Variants in MAP3K3 observed in about 807,000 individuals in gnomAD.
The protein encoded by MAP3K3 is mitogen-activated protein kinase kinase kinase 3.
A neutral mutation model predicts 80.9 loss-of-function variants in MAP3K3; 12 were observed. That is an observed-to-expected ratio of 0.15 (90% CI 0.10 to 0.24). The LOEUF (loss-of-function observed/expected upper bound fraction) is 0.24, where lower values mean the gene tolerates loss of function less well. Among genes scored for constraint, MAP3K3 ranks in the 10% least tolerant of loss-of-function variants. MAP3K3 has a pLI of 1.00. For missense variants in MAP3K3, 596 were observed against 834.7 expected (o/e 0.71, Z 3.52); for synonymous variants, 272 against 307.1 (o/e 0.89, Z 1.19).
At position 63,622,694 on chromosome 17, in the gene MAP3K3, G is replaced by T; in HGVS notation, c.-66G>T. ...TGCCGTCCCCGCCGCCCGGGCCCCC[G>T]GCATGCAGCCCCGGCTGCGGAGGTG... On this transcript the variant is annotated 5_prime_UTR_variant, in exon 1 of 16. Coordinates refer to ENST00000361733, the MANE Select transcript of MAP3K3 (RefSeq NM_002401.5). 1 of 424,192 alleles carries T rather than the reference G, an allele frequency of 2.4e-6. No individual in the cohort carries two copies. The allele number at this position is 424,192 out of a possible 1,614,324, so 26.3% of individuals were successfully genotyped here.
At chr17:63,654,690 T>A (rs895851158) in intron 4 of MAP3K3, among the ~76,000 whole-genome samples, 1 of 152,224 alleles carries the variant, frequency 6.6e-6, no homozygotes, top group African/African-American at 2.4e-5. Context: ...TATGAGTGTA[T>A]TAGTCTATTC....
At chr17:63,623,326 G>A (rs2034033426) in intron 1 of MAP3K3, among the ~76,000 whole-genome samples, 1 of 152,234 alleles carries the variant, frequency 6.6e-6, no homozygotes, top group African/African-American at 2.4e-5. Context: ...CGATTAAACT[G>A]GAGCTGTGAT....
Position 63,654,579 on chromosome 17 carries a change from C to G in MAP3K3, c.267+1923C>G, listed in dbSNP as rs188765169. On this transcript the variant is annotated intron_variant, in intron 4 of 15. Transcript: ENST00000361733. ...GTTTTCAATTCTGTAAGGTATATACCTAGGCGTGGAATTGCTGGGTCATAA... is the reference window on the plus strand; with the variant it reads ...GTTTTCAATTCTGTAAGGTATATACGTAGGCGTGGAATTGCTGGGTCATAA... Among the ~76,000 whole-genome samples the G allele has an allele frequency of 8.5e-5, 13 of 152,072 alleles. No homozygotes were observed. In the East Asian group the frequency reaches 2.5e-3, roughly 29 times the overall value.
intron 5 of MAP3K3, among the ~76,000 whole-genome samples, chr17:63,660,052 G>GA (rs1261233597): frequency 6.6e-6 from 1 of 152,142 alleles, no homozygotes; most frequent in Non-Finnish European, 1.5e-5. Context: ...CACCAGCCCA[G>GA]ATATCATACC....
intron 5 of MAP3K3, among the ~76,000 whole-genome samples, chr17:63,659,266 T>C (rs1333029505): frequency 6.6e-6 from 1 of 152,230 alleles, no homozygotes; most frequent in Non-Finnish European, 1.5e-5. Flanking sequence ...TAACCATTTT[T>C]GCTACTGTTG....
chr17:63,688,451 G>A, intron 8 of MAP3K3, 76 bp from the exon 9 acceptor site: 1 of 1,171,648 alleles, frequency 8.5e-7, no homozygotes. Context: ...GGGTTAGAAA[G>A]GGAGACTGCC....
At chr17:63,663,872 C>A (rs1261920770) in intron 5 of MAP3K3, among the ~76,000 whole-genome samples, 1 of 151,866 alleles carries the variant, frequency 6.6e-6, no homozygotes, top group African/African-American at 2.4e-5. Flanking sequence ...TTGAGCAAGA[C>A]CCTGTCTCAA....
At chr17:63,633,625 A>G (rs2034262091) in intron 2 of MAP3K3, among the ~76,000 whole-genome samples, 1 of 152,200 alleles carries the variant, frequency 6.6e-6, no homozygotes. Context: ...TTAGGAAAAC[A>G]TTGCCTATTT....
chr17:63,632,740 C>T lies in MAP3K3; in HGVS notation c.64C>T (p.Arg22Cys), dbSNP rs957760333. ...TCTGGTGGCCCTCCAGATGAACCGA[C>T]GTCACCGGATGCCTGGATATGAGAC... Reference protein sequence around the residue: ...NDLVALQMNRRHRMPGYETMK... With the variant: ...NDLVALQMNRCHRMPGYETMK... The change falls in exon 2 of 16, where the codon CGT becomes TGT. Residue 22 changes from arginine (R) to cysteine (C), a missense_variant. Arg to Cys is a radical substitution (Grantham distance 180). Around this residue, in one of 2 missense-constraint regions of MAP3K3, gnomAD observed 232 missense variants for 245.8 expected, o/e 0.94. Transcript: ENST00000361733. 6.2e-6 allele frequency: 10 copies of T among 1,613,968 alleles called. No individual in the cohort carries two copies. The highest frequency in any genetic ancestry group is 2.2e-5 in the East Asian group (1 of 44,884).
chr17:63,660,711 G>A (rs922123346), intron 5 of MAP3K3, among the ~76,000 whole-genome samples: 4 of 151,944 alleles, frequency 2.6e-5, no homozygotes, highest in Non-Finnish European at 5.9e-5. Context: ...TCCTGCCTCA[G>A]CCTCCCCAGT....
intron 2 of MAP3K3, among the ~76,000 whole-genome samples, chr17:63,645,163 T>C (rs185442259): frequency 9.6e-4 from 147 of 152,350 alleles, no homozygotes; most frequent in Middle Eastern, 6.8e-3. Flanking sequence ...TTCCTTTGCC[T>C]GGCACTGGGG....
intron 7 of MAP3K3, 82 bp downstream of exon 7, chr17:63,681,981 T>G (rs1162080957): frequency 1.6e-6 from 2 of 1,227,100 alleles, no homozygotes; most frequent in Non-Finnish European, 2.1e-6. Context: ...GTAGTCACAG[T>G]GCAGAACTGA....
intron 2 of MAP3K3, among the ~76,000 whole-genome samples, chr17:63,640,227 C>T (rs2034412537): frequency 6.6e-6 from 1 of 152,162 alleles, no homozygotes; most frequent in South Asian, 2.1e-4. Flanking sequence ...CTGTAGCGCA[C>T]AGTGATTGTG....
intron 2 of MAP3K3, 42 bp downstream of exon 2, chr17:63,632,844 A>AG: frequency 1.2e-6 from 2 of 1,610,582 alleles, no homozygotes; most frequent in Non-Finnish European, 1.7e-6. Flanking sequence ...TTTGTTGGGG[A>AG]GGGGTTTTCA....
In MAP3K3 at chr17:63,689,702, C is replaced by G. The variant is rs1244157374; in HGVS notation, c.1030C>G (p.Leu344Val). 1 of 1,613,820 alleles carries G rather than the reference C, an allele frequency of 6.2e-7. No individual in the cohort carries two copies. Among genetic ancestry groups the G allele is most frequent in the Non-Finnish European group, 8.5e-7 (1 of 1,179,874 alleles). The change falls in exon 11 of 16, where the codon CTC (leucine) becomes GTC (valine). Residue 344 changes from leucine (L) to valine (V), a missense_variant. This residue lies in a region of MAP3K3 where 364 missense variants were observed against 588.9 expected (regional missense o/e 0.62). Transcript: ENST00000361733. The surrounding 1 kb of genome is among the most constrained non-coding windows in gnomAD (Gnocchi z 4.3). ...GCGGAGTGCGGACAGCGAGAATGCC[C>G]TCTCTGTGCAGGAGAGGAATGTGCC... ...RLRSADSENA[L>V]SVQERNVPTK... is the part of the protein sequence containing the mutation.
chr17:63,655,271 C>A (rs1426886285), intron 4 of MAP3K3, among the ~76,000 whole-genome samples: 1 of 151,992 alleles, frequency 6.6e-6, no homozygotes, highest in Non-Finnish European at 1.5e-5. Context: ...AGAACAGCAG[C>A]ATGGGATAAC....
At chr17:63,687,997 G>A (rs1183371362) in intron 8 of MAP3K3, among the ~76,000 whole-genome samples, 1 of 152,152 alleles carries the variant, frequency 6.6e-6, no homozygotes, top group Non-Finnish European at 1.5e-5. Context: ...ATAGGACTGT[G>A]TGTGCCTAAT....
At chr17:63,645,043 T>C (rs1160177185) in intron 2 of MAP3K3, among the ~76,000 whole-genome samples, 1 of 152,240 alleles carries the variant, frequency 6.6e-6, no homozygotes, top group Non-Finnish European at 1.5e-5. Context: ...TAATTTGTTC[T>C]TTGTCATTTT....
At chr17:63,624,589 A>G (rs1284094190) in intron 1 of MAP3K3, among the ~76,000 whole-genome samples, 2 of 152,222 alleles carry the variant, frequency 1.3e-5, no homozygotes, top group African/African-American at 2.4e-5. Flanking sequence ...AGCCCCAAAG[A>G]AAAAAGGGCC....
Sources: allele counts gnomAD v4.1 joint callset (sites outside exome capture counted in the v4.1 genomes callset), GRCh38; gene constraint gnomAD v4.1.1; regional missense constraint gnomAD v4.1.1; non-coding constraint Gnocchi (gnomAD v3.1); transcripts MANE v1.5; gene names NCBI Gene and HGNC (gene_info 2026-07-23, HGNC 2026-07-21).